SGSM1: variants seen among roughly 807,000 people sequenced by gnomAD.
The protein encoded by SGSM1 is RUN and TBC1 domain containing 2.
SGSM1 carries 73 observed loss-of-function variants against 133.8 expected under a neutral mutation model. The observed-to-expected ratio is 0.55, with a 90% CI of 0.45 to 0.66. SGSM1 has a LOEUF of 0.66. Ranked by LOEUF, SGSM1 falls within the 30% of genes least tolerant of loss-of-function variation. SGSM1 has a pLI of 0.00. For synonymous variants in SGSM1, 563 were observed against 573.0 expected, an observed-to-expected ratio of 0.98 and a Z score of 0.25; for missense variants, 1,213 against 1,448.1, an observed-to-expected ratio of 0.84 and a Z score of 2.64.
chr22:24,847,513 C>T, intron 3 of SGSM1, 121 bp from the exon 4 acceptor site: 1 of 1,270,644 alleles, frequency 7.9e-7, no homozygotes, highest in Non-Finnish European at 1.1e-6. Context: ...TGGGGTAAGA[C>T]AGAAGGTAAG....
At chr22:24,822,699 G>T (rs1343467933) in intron 2 of SGSM1, among the ~76,000 whole-genome samples, 2 of 152,178 alleles carry the variant, frequency 1.3e-5, no homozygotes, top group Non-Finnish European at 2.9e-5. Flanking sequence ...GGCTCTGGGA[G>T]CAGCAAGTTG....
chr22:24,859,940 G>C (rs929408377), intron 9 of SGSM1, 100 bp downstream of exon 9: 36 of 1,504,566 alleles, frequency 2.4e-5, no homozygotes, highest in Middle Eastern at 2.1e-4. Flanking sequence ...TCCCGCCCCT[G>C]CTTCTGCCCC....
chr22:24,861,313 C>T (rs1178537606), intron 9 of SGSM1, among the ~76,000 whole-genome samples: 1 of 146,284 alleles, frequency 6.8e-6, no homozygotes, highest in African/African-American at 2.5e-5. Flanking sequence ...GATCGCGCCA[C>T]TGCACTCCAG....
intron 5 of SGSM1, among the ~76,000 whole-genome samples, chr22:24,853,556 T>G (rs2147849924): frequency 1.3e-5 from 2 of 152,212 alleles, no homozygotes; most frequent in Middle Eastern, 6.8e-3. Context: ...TAATTGGACT[T>G]ACAGTTCCAC....
chr22:24,888,936 AC>A (rs1932752738), intron 16 of SGSM1, among the ~76,000 whole-genome samples: 2 of 109,230 alleles, frequency 1.8e-5, no homozygotes, highest in Non-Finnish European at 3.7e-5. Flanking sequence ...TTTCATAGTC[AC>A]CTTTTTTTTT....
intron 2 of SGSM1, among the ~76,000 whole-genome samples, chr22:24,839,901 G>A (rs4820617): frequency 0.8 from 117,322 of 146,796 alleles, 47,531 homozygotes; most frequent in African/African-American, 0.94. Context: ...TGGTTTGTCA[G>A]TTTTGTCGAT....
chr22:24,909,602 C>T (rs1256900457), intron 21 of SGSM1, among the ~76,000 whole-genome samples: 2 of 151,884 alleles, frequency 1.3e-5, no homozygotes, highest in Non-Finnish European at 2.9e-5. Flanking sequence ...ATTACAGGCG[C>T]CCACCACCAC....
intron 22 of SGSM1, among the ~76,000 whole-genome samples, chr22:24,915,229 A>AAAATAAATAAATAAATAAATAAAT (rs55876996): frequency 4.4e-4 from 67 of 151,192 alleles, no homozygotes; most frequent in African/African-American, 1.5e-3. Flanking sequence ...ACTCCGTCTC[A>AAAATAAATAAATAAATAAATAAAT]AAATAAATAA....
chr22:24,893,090 G>T (rs920548759), intron 16 of SGSM1, among the ~76,000 whole-genome samples: 2 of 151,282 alleles, frequency 1.3e-5, no homozygotes, highest in Non-Finnish European at 2.9e-5. Context: ...GGAGGGGGGG[G>T]AGGGAAAGAA....
chr22:24,878,487 A>T (rs1932145813), intron 13 of SGSM1, among the ~76,000 whole-genome samples: 1 of 152,156 alleles, frequency 6.6e-6, no homozygotes. Flanking sequence ...AATGTTCCTA[A>T]CTGTCTCAAT....
chr22:24,841,110 A>T (rs1377218574), intron 2 of SGSM1, among the ~76,000 whole-genome samples: 4 of 152,138 alleles, frequency 2.6e-5, no homozygotes, highest in South Asian at 2.1e-4. Flanking sequence ...TTGGCCTCCC[A>T]AAGTGCTGGG....
chr22:24,892,619 TC>T (rs1226423029), intron 16 of SGSM1, among the ~76,000 whole-genome samples: 1 of 152,242 alleles, frequency 6.6e-6, no homozygotes, highest in African/African-American at 2.4e-5. Flanking sequence ...AAGGTCAGCA[TC>T]TTGCTCATCT....
intron 2 of SGSM1, among the ~76,000 whole-genome samples, chr22:24,829,877 C>A (rs1929010828): frequency 6.6e-6 from 1 of 152,178 alleles, no homozygotes; most frequent in Non-Finnish European, 1.5e-5. Flanking sequence ...CACCACTGCC[C>A]CTGGACCACC....
At chr22:24,874,417 G>A (rs1482880614) in intron 12 of SGSM1, 1 of 1,607,608 alleles carries the variant, frequency 6.2e-7, no homozygotes, top group South Asian at 1.1e-5. Flanking sequence ...GTCTCAAGTT[G>A]CCCCCGACTT....
chr22:24,898,886 G>A (rs1169138331), intron 19 of SGSM1, among the ~76,000 whole-genome samples: 1 of 151,944 alleles, frequency 6.6e-6, no homozygotes, highest in African/African-American at 2.4e-5. Flanking sequence ...AATTAGCCGG[G>A]CGTGGTGGCA....
rs73879148 is a variant in SGSM1, at chr22:24,847,888, C to G, written c.302+92C>G. 2.9e-3 allele frequency: 4,317 copies of G among 1,468,862 alleles called. 91 individuals are homozygous for G. In the African/African-American group the frequency reaches 0.053, roughly 18 times the overall value. 91.0% of individuals were successfully genotyped at this position (1,468,862 alleles called of 1,614,324 possible). ...CTGAGAGAGCCTGCAACCCCTAGCA[C>G]TCTTTTCAGTCTCCATCCTGCTTCT... is the stretch of plus-strand genomic sequence containing the variant. On this transcript the variant is annotated intron_variant, in intron 4 of 24. Transcript: ENST00000400358.
intron 19 of SGSM1, among the ~76,000 whole-genome samples, chr22:24,899,688 A>AT (rs1933058613): frequency 6.6e-6 from 1 of 151,590 alleles, no homozygotes; most frequent in African/African-American, 2.4e-5. Flanking sequence ...CGCCCGGCTA[A>AT]TTTTTTGTGT....
rs1227868076 is a variant in SGSM1, at chr22:24,912,680, G to C, written c.2856G>C (p.Lys952Asn). ...LAFSCFTELM[K>N]RMNQNFPHGG... ...TCAGCTGCTTCACGGAGCTCATGAA[G>C]AGGATGAACCAGAACTTCCCCCACG... The change falls in exon 22 of 25, where the codon AAG becomes AAC. Residue 952 changes from lysine to asparagine, a missense_variant. Coordinates refer to ENST00000400358, the MANE Select transcript of SGSM1 (RefSeq NM_001098497.3). The C allele has an allele frequency of 2.5e-6, 4 of 1,613,704 alleles. No individual in the cohort carries two copies. The highest frequency in any genetic ancestry group is 3.4e-6 in the Non-Finnish European group (4 of 1,179,908).
chr22:24,899,598 C>T (rs1368862874), intron 19 of SGSM1, among the ~76,000 whole-genome samples: 2 of 150,316 alleles, frequency 1.3e-5, no homozygotes, highest in Non-Finnish European at 2.9e-5. Context: ...TCTCGGCTCA[C>T]TGCAACCTCT....
Sources: allele counts gnomAD v4.1 joint callset (sites outside exome capture counted in the v4.1 genomes callset), GRCh38; gene constraint gnomAD v4.1.1; transcripts MANE v1.5; gene names NCBI Gene and HGNC (gene_info 2026-07-23, HGNC 2026-07-21).